Variants in MAP2K5 observed in about 807,000 individuals in gnomAD.
MAP2K5 encodes the protein mitogen-activated protein kinase kinase 5, also known as dual specificity mitogen-activated protein kinase kinase 5.
A neutral mutation model predicts 83.1 loss-of-function variants in MAP2K5; 49 were observed. That is an observed-to-expected ratio of 0.59 (90% confidence interval 0.47 to 0.75). The LOEUF (loss-of-function observed/expected upper bound fraction) is 0.75. MAP2K5 is among the 30% of genes least tolerant of loss of function. The pLI, the probability that MAP2K5 is intolerant of heterozygous loss-of-function variation, is 0.00. For synonymous variants in MAP2K5, 202 were observed against 191.8 expected (o/e 1.05, Z -0.44); for missense variants, 457 against 557.5 (o/e 0.82, Z 1.82).
intron 21 of MAP2K5, among the ~76,000 whole-genome samples, chr15:67,799,652 C>T (rs1351016682): frequency 6.6e-6 from 1 of 152,234 alleles, no homozygotes; most frequent in Non-Finnish European, 1.5e-5. Context: ...TGAACAACTG[C>T]AGGCCTCCTG....
rs942588707 is a variant in MAP2K5, at chr15:67,637,354, A to G, written c.585+6427A>G. Among the ~76,000 whole-genome samples the G allele has an allele frequency of 1.3e-5, 2 of 152,164 alleles. No homozygotes were observed. The highest frequency in any genetic ancestry group is 2.9e-5 in the Non-Finnish European group (2 of 68,034). ...ACTTTTGAATAATTTGATTCTTTCAAGGCTTGCTTTTAAGTTTTATTAGAC... is the reference window on the plus strand; with the variant it reads ...ACTTTTGAATAATTTGATTCTTTCAGGGCTTGCTTTTAAGTTTTATTAGAC... On this transcript the variant is annotated intron_variant, in intron 9 of 21. Transcript: ENST00000178640. This position sits in a 1 kb window ranked among gnomAD's most constrained non-coding sequence, Gnocchi z 4.5.
chr15:67,623,666 C>T (rs1325361602), intron 8 of MAP2K5, among the ~76,000 whole-genome samples: 6 of 148,440 alleles, frequency 4.0e-5, no homozygotes, highest in Admixed American at 6.7e-5. Context: ...GGTGTGATCT[C>T]GGCTCATCGT....
intron 16 of MAP2K5, among the ~76,000 whole-genome samples, chr15:67,703,913 C>G (rs2088484964): frequency 6.6e-6 from 1 of 152,002 alleles, no homozygotes. Flanking sequence ...TCACCTCATT[C>G]CAGTATAGTC....
intron 12 of MAP2K5, chr15:67,658,833 A>G (rs1012900351): frequency 3.7e-5 from 22 of 593,574 alleles, no homozygotes; most frequent in Admixed American, 3.4e-4. Context: ...TTCTAGTTTC[A>G]TGTGTTTGCA....
intron 1 of MAP2K5, chr15:67,546,528 C>T (rs1034388694): frequency 1.0e-6 from 1 of 959,068 alleles, no homozygotes; most frequent in Non-Finnish European, 1.2e-6. Context: ...TGGGCCTTGT[C>T]TTTTGTCTGA....
rs773108510 is a variant in MAP2K5, at chr15:67,757,976, T to G, written c.1134+9375T>G. On this transcript the variant is annotated intron_variant, in intron 19 of 21. Transcript: ENST00000178640. This position sits in a 1 kb window ranked among gnomAD's most constrained non-coding sequence, Gnocchi z 4.9. ...AGAGATCTGAGGCCCCTGCAGGGAG[T>G]TCAGTATGGCTGGGGTGTTTGGGCA... Among the ~76,000 whole-genome samples the G allele has an allele frequency of 6.6e-5, 10 of 151,494 alleles. No individual in the cohort carries two copies. Among genetic ancestry groups the G allele is most frequent in the Non-Finnish European group, 1.2e-4 (8 of 67,860 alleles).
At chr15:67,607,178 T>G (rs1458232694) in intron 8 of MAP2K5, among the ~76,000 whole-genome samples, 1 of 152,344 alleles carries the variant, frequency 6.6e-6, no homozygotes, top group African/African-American at 2.4e-5. Flanking sequence ...GCAGCCAAGA[T>G]CATATTTTAA....
chr15:67,581,040 T>C (rs1369459922), intron 4 of MAP2K5, among the ~76,000 whole-genome samples: 1 of 152,160 alleles, frequency 6.6e-6, no homozygotes, highest in Non-Finnish European at 1.5e-5. Context: ...ACTAGATTGT[T>C]TTTTGTTTTT....
intron 8 of MAP2K5, among the ~76,000 whole-genome samples, chr15:67,621,435 A>G (rs1444223907): frequency 1.5e-4 from 1 of 6,466 alleles, no homozygotes; most frequent in African/African-American, 2.1e-4. Context: ...CAAAAGTTTG[A>G]AAAAAAAAAA....
chr15:67,630,991 T>C, intron 9 of MAP2K5, 64 bp downstream of exon 9: 1 of 1,274,166 alleles, frequency 7.8e-7, no homozygotes, highest in Non-Finnish European at 1.1e-6. Context: ...TCTGTTAGCT[T>C]GAGTCACAGA....
At chr15:67,604,152 A>G (rs2085726622) in intron 8 of MAP2K5, among the ~76,000 whole-genome samples, 1 of 152,254 alleles carries the variant, frequency 6.6e-6, no homozygotes, top group Non-Finnish European at 1.5e-5. Flanking sequence ...ACCAAATGGT[A>G]ATGTGAATTC....
chr15:67,750,654 G>A lies in MAP2K5; in HGVS notation c.1134+2053G>A, dbSNP rs1182872870. Among the ~76,000 whole-genome samples the A allele has an allele frequency of 6.6e-6, 1 of 152,162 alleles. No homozygotes were observed. The highest frequency in any genetic ancestry group is 2.4e-5 in the African/African-American group (1 of 41,426). ...CTACTAGTTTCTCGGGTAACTCTCT[G>A]CACATTATAAGTTTGAAAACCACTT... On this transcript the variant is annotated intron_variant, in intron 19 of 21. Coordinates refer to ENST00000178640, the MANE Select transcript of MAP2K5 (RefSeq NM_145160.3). The surrounding 1 kb of genome is among the most constrained non-coding windows in gnomAD (Gnocchi z 4.2).
At position 67,777,425 on chromosome 15, in the gene MAP2K5, C is replaced by T. The variant is rs1437066238; in HGVS notation, c.1242+4673C>T. On this transcript the variant is annotated intron_variant, in intron 21 of 21. Transcript: ENST00000178640. This position sits in a 1 kb window ranked among gnomAD's most constrained non-coding sequence, Gnocchi z 6.0. ...GTAATCAGGTCAGAAGAAGCAGCAT[C>T]CCGGTTTGAGATCAATCGCTGGCTA... 6.6e-6 allele frequency among the ~76,000 whole-genome samples: 1 copy of T among 152,194 alleles called. No individual in the cohort carries two copies. Among genetic ancestry groups the T allele is most frequent in the Admixed American group, 6.5e-5 (1 of 15,280 alleles).
intron 13 of MAP2K5, among the ~76,000 whole-genome samples, chr15:67,669,505 CAA>C (rs1596760287): frequency 1.3e-5 from 2 of 152,020 alleles, no homozygotes; most frequent in East Asian, 3.9e-4. Flanking sequence ...AGTGGAACAG[CAA>C]AGAGGCCAGT....
rs1566962103 is a variant in MAP2K5 at position 67,780,683 on chromosome 15, A to G, written c.1242+7931A>G. On this transcript the variant is annotated intron_variant, in intron 21 of 21. Transcript: ENST00000178640. The surrounding 1 kb of genome is among the most constrained non-coding windows in gnomAD (Gnocchi z 5.0). ...AAAGGTTTTTGTTTGACCTCCTGCT[A>G]GGAGAGGTCATCTAGGTTAGAAAAT... is the stretch of plus-strand genomic sequence containing the variant. Among the ~76,000 whole-genome samples the G allele has an allele frequency of 1.3e-5, 2 of 152,252 alleles. No individual in the cohort carries two copies. Among genetic ancestry groups the G allele is most frequent in the Admixed American group, 1.3e-4 (2 of 15,288 alleles).
chr15:67,760,883 G>A lies in MAP2K5; in HGVS notation c.1135-8719G>A, dbSNP rs573331464. ...CCCTGAGCCCAAGTTGGATGCCAGG[G>A]TCAGTTACCCAGCAGCTTGGGCTGG... On this transcript the variant is annotated intron_variant, in intron 19 of 21. Coordinates refer to ENST00000178640, the MANE Select transcript of MAP2K5 (RefSeq NM_145160.3). This position sits in a 1 kb window ranked among gnomAD's most constrained non-coding sequence, Gnocchi z 4.1. Among the ~76,000 whole-genome samples the A allele has an allele frequency of 1.8e-4, 28 of 152,134 alleles. No individual in the cohort carries two copies. Among genetic ancestry groups the A allele is most frequent in the Non-Finnish European group, 4.0e-4 (27 of 68,020 alleles).
intron 6 of MAP2K5, among the ~76,000 whole-genome samples, chr15:67,592,631 G>A (rs1230203678): frequency 6.6e-6 from 1 of 152,168 alleles, no homozygotes; most frequent in African/African-American, 2.4e-5. Flanking sequence ...CTATCTAAAG[G>A]CAGTAGAACT....
At chr15:67,581,551 T>A (rs1003756676) in intron 4 of MAP2K5, among the ~76,000 whole-genome samples, 1 of 152,232 alleles carries the variant, frequency 6.6e-6, no homozygotes, top group Non-Finnish European at 1.5e-5. Flanking sequence ...AATCCATGTT[T>A]TCTAACTAAT....
At chr15:67,546,691 T>C in intron 1 of MAP2K5, 1 of 833,290 alleles carries the variant, frequency 1.2e-6, no homozygotes, top group Non-Finnish European at 1.4e-6. Context: ...CTGGTTAGTG[T>C]GTGATGAGAG....
Sources: gnomAD v4.1 joint callset for allele counts (sites outside exome capture counted in the v4.1 genomes callset) on GRCh38, gnomAD v4.1.1 for gene constraint, Gnocchi (gnomAD v3.1) non-coding constraint, MANE v1.5 for transcripts, NCBI Gene and HGNC (gene_info 2026-07-23, HGNC 2026-07-21) for gene names.